Variants in SYNPO observed in about 807,000 individuals in gnomAD.
SYNPO encodes the protein synaptopodin.
A neutral mutation model predicts 49.5 loss-of-function variants in SYNPO; 19 were observed. That is an observed-to-expected ratio of 0.38 (90% CI 0.27 to 0.56). The LOEUF is 0.56. SYNPO is among the 20% of genes least tolerant of loss of function. The pLI is 0.68. For missense variants in SYNPO, 1,131 were observed against 1,248.3 expected, an observed-to-expected ratio of 0.91 and a Z score of 1.42; for synonymous variants, 536 against 548.0, an observed-to-expected ratio of 0.98 and a Z score of 0.31.
intron 1 of SYNPO, among the ~76,000 whole-genome samples, chr5:150,603,168 T>C (rs1046511049): frequency 1.3e-5 from 2 of 152,200 alleles, no homozygotes; most frequent in Admixed American, 1.3e-4. Flanking sequence ...GGGAAAGAGA[T>C]TGTCCCCTGA....
At chr5:150,591,494 A>G in the SYNPO span, among the ~76,000 whole-genome samples, 1,198 of 152,320 alleles carry the variant, frequency 7.9e-3, 23 homozygotes, top group African/African-American at 0.027. Flanking sequence ...CACAGATGGG[A>G]AAGGGCAGAA....
intron 2 of SYNPO, among the ~76,000 whole-genome samples, chr5:150,625,820 G>C (rs1384142664): frequency 6.6e-6 from 1 of 152,226 alleles, no homozygotes; most frequent in African/African-American, 2.4e-5. Context: ...GTCTGGAAGG[G>C]ACAAGAGCTG....
chr5:150,650,491 C>A lies in SYNPO; in HGVS notation c.2028+188C>A, dbSNP rs956761452. On this transcript the variant is annotated intron_variant, in intron 2 of 2. Transcript: ENST00000307662. ...CACCAGCTGGCTTTGTGACCTTGGG[C>A]GAGTCGCCTCCCCTCTCTGAGCTGA... 4.0e-6 allele frequency: 6 copies of A among 1,495,570 alleles called. No homozygotes were observed. The South Asian group carries it at 8.1e-5, about 20-fold the overall frequency. 92.6% of individuals were successfully genotyped at this position (1,495,570 alleles called of 1,614,324 possible).
Position 150,649,367 on chromosome 5 carries a change from G to C in SYNPO, c.1092G>C (p.Thr364=). ...LKGQAVPASK[T]GILEESMARR... ...GCCAGGCGGTTCCTGCCAGCAAGAC[G>C]GGCATTCTGGAGGAGTCGATGGCCC... Residue 364 remains threonine, a synonymous_variant, in exon 2 of 3, where the codon ACG becomes ACC. Transcript: ENST00000307662. 1.9e-6 allele frequency: 3 copies of C among 1,614,180 alleles called. No individual in the cohort carries two copies. In the South Asian group the frequency reaches 3.3e-5, roughly 18 times the overall value.
At chr5:150,635,649 G>A (rs1157548617) in intron 2 of SYNPO, among the ~76,000 whole-genome samples, 1 of 152,138 alleles carries the variant, frequency 6.6e-6, no homozygotes, top group Non-Finnish European at 1.5e-5. Flanking sequence ...TTTTTGTAGA[G>A]ACGGGGTTTC....
intron 2 of SYNPO, among the ~76,000 whole-genome samples, chr5:150,631,051 T>G (rs1757519823): frequency 6.6e-6 from 1 of 152,206 alleles, no homozygotes. Flanking sequence ...ATCCCAATCC[T>G]GTACAACTCC....
intron 2 of SYNPO, among the ~76,000 whole-genome samples, chr5:150,632,644 G>A (rs1304933380): frequency 6.6e-6 from 1 of 152,204 alleles, no homozygotes; most frequent in Non-Finnish European, 1.5e-5. Flanking sequence ...CTGCCCTCCA[G>A]GCTCCTCTGC....
At chr5:150,634,328 T>G (rs1338468650) in intron 2 of SYNPO, among the ~76,000 whole-genome samples, 2 of 152,218 alleles carry the variant, frequency 1.3e-5, no homozygotes, top group Non-Finnish European at 2.9e-5. Flanking sequence ...CAGACCAGGT[T>G]GAGGCTAAAA....
chr5:150,634,104 A>G (rs1020937348), intron 2 of SYNPO, among the ~76,000 whole-genome samples: 1 of 152,218 alleles, frequency 6.6e-6, no homozygotes, highest in African/African-American at 2.4e-5. Flanking sequence ...TTATAAGATC[A>G]TGGACTCTAA....
intron 1 of SYNPO, 130 bp from the exon 2 acceptor site, chr5:150,647,814 G>C: frequency 1.2e-6 from 1 of 868,756 alleles, no homozygotes; most frequent in Non-Finnish European, 1.7e-6. Flanking sequence ...AACAGTGAGT[G>C]ACGATTAAAT....
chr5:150,648,499 C>T lies in SYNPO; in HGVS notation c.224C>T (p.Ser75Leu), dbSNP rs200631093. 9.1e-5 allele frequency: 147 copies of T among 1,614,196 alleles called. No homozygotes were observed. In the Middle Eastern group the frequency reaches 1.5e-3, roughly 16 times the overall value. ...GCAGATGTCAACCAAAACCTTGCCT[C>T]GCCCAGTGCCACGCTCACCACACCA... ...PAADVNQNLA[S>L]PSATLTTPTS... The change falls in exon 2 of 3, where the codon TCG becomes TTG. Residue 75 changes from serine to leucine, a missense_variant. Physicochemically the swap from Ser to Leu is moderately radical, Grantham distance 145. Coordinates refer to ENST00000307662, the MANE Select transcript of SYNPO (RefSeq NM_007286.6). This position sits in a 1 kb window ranked among gnomAD's most constrained non-coding sequence, Gnocchi z 5.0.
chr5:150,595,286 G>A, the SYNPO span, among the ~76,000 whole-genome samples: 6 of 152,224 alleles, frequency 3.9e-5, no homozygotes, highest in Non-Finnish European at 7.3e-5. Flanking sequence ...AAAACACATA[G>A]AATCACCAAG....
intron 2 of SYNPO, among the ~76,000 whole-genome samples, chr5:150,627,281 G>A (rs78788543): frequency 0.048 from 7,288 of 152,266 alleles, 433 homozygotes; most frequent in East Asian, 0.26. Context: ...CCCCATTGTA[G>A]TGAAGAGACA....
At position 150,649,221 on chromosome 5, in the gene SYNPO, A is replaced by G; in HGVS notation, c.946A>G (p.Thr316Ala). ...AGAGAGACGCCCCTTGGGGAACTTC[A>G]CTGCACCCCCCACCTACACTGAGAC... Reference protein sequence around the residue: ...ASERRPLGNFTAPPTYTETLS... With the variant: ...ASERRPLGNFAAPPTYTETLS... Residue 316 changes from threonine to alanine, a missense_variant, in exon 2 of 3, where the codon ACT becomes GCT. Coordinates refer to ENST00000307662, the MANE Select transcript of SYNPO (RefSeq NM_007286.6). The G allele has an allele frequency of 6.2e-7, 1 of 1,613,824 alleles. No individual in the cohort carries two copies. Among genetic ancestry groups the G allele is most frequent in the Non-Finnish European group, 8.5e-7 (1 of 1,179,966 alleles).
chr5:150,637,719 T>G (rs1405002611), upstream of SYNPO, among the ~76,000 whole-genome samples: 1 of 152,158 alleles, frequency 6.6e-6, no homozygotes, highest in African/African-American at 2.4e-5. Flanking sequence ...TCCTCCTGCG[T>G]TTTTTCTTTG....
At chr5:150,645,415 C>G (rs115947803) in intron 1 of SYNPO, among the ~76,000 whole-genome samples, 154 of 152,362 alleles carry the variant, frequency 1.0e-3, no homozygotes, top group African/African-American at 3.7e-3. Context: ...ATCCATCCAC[C>G]TGTCTGTCAA....
the SYNPO span, among the ~76,000 whole-genome samples, chr5:150,590,017 C>T: frequency 3.3e-5 from 5 of 152,358 alleles, no homozygotes; most frequent in East Asian, 5.8e-4. Context: ...CTGCAAGGAA[C>T]GAAGTTCAGC....
chr5:150,596,177 C>G (rs1157147628), upstream of SYNPO, among the ~76,000 whole-genome samples: 1 of 152,148 alleles, frequency 6.6e-6, no homozygotes, highest in Admixed American at 6.5e-5. Flanking sequence ...TTCCTGACCC[C>G]TACTCCTGAC....
chr5:150,593,813 C>T, the SYNPO span, among the ~76,000 whole-genome samples: 2 of 152,182 alleles, frequency 1.3e-5, no homozygotes, highest in Non-Finnish European at 2.9e-5. Context: ...TTGGCCAGTG[C>T]TGGCTGGAAC....
Sources: allele counts gnomAD v4.1 joint callset (sites outside exome capture counted in the v4.1 genomes callset), GRCh38; gene constraint gnomAD v4.1.1; non-coding constraint Gnocchi (gnomAD v3.1); transcripts MANE v1.5; gene names NCBI Gene and HGNC (gene_info 2026-07-23, HGNC 2026-07-21).